The following THSD7A variants were observed in gnomAD, a reference collection of about 807,000 sequenced individuals.
The protein encoded by THSD7A is thrombospondin type 1 domain containing 7A, also known as thrombospondin type-1 domain-containing protein 7A.
THSD7A carries 96 observed loss-of-function variants against 231.3 expected under a neutral mutation model. The observed-to-expected ratio is 0.41, with a 90% confidence interval of 0.35 to 0.49. The LOEUF (loss-of-function observed/expected upper bound fraction) is 0.49, where lower values mean the gene tolerates loss of function less well. Ranked by LOEUF, THSD7A falls within the 20% of genes least tolerant of loss-of-function variation. The pLI is 0.05. For synonymous variants in THSD7A, 940 were observed against 743.3 expected (o/e 1.26, Z -4.30); for missense variants, 2,290 against 2,070.2 (o/e 1.11, Z -2.06).
At chr7:11,391,109 G>A (rs967712792) in intron 23 of THSD7A, among the ~76,000 whole-genome samples, 4 of 152,232 alleles carry the variant, frequency 2.6e-5, no homozygotes, top group African/African-American at 9.6e-5. Flanking sequence ...TTCCTTAGCA[G>A]AGATCAAATG....
intron 1 of THSD7A, among the ~76,000 whole-genome samples, chr7:11,740,901 G>C (rs890754767): frequency 6.6e-6 from 1 of 151,928 alleles, no homozygotes; most frequent in Non-Finnish European, 1.5e-5. Flanking sequence ...ATAAATATTT[G>C]CAGTATTTGC....
At chr7:11,490,858 T>C (rs1786861715) in intron 6 of THSD7A, among the ~76,000 whole-genome samples, 1 of 152,148 alleles carries the variant, frequency 6.6e-6, no homozygotes, top group Non-Finnish European at 1.5e-5. Flanking sequence ...TAATGGAAGC[T>C]AATAATAGTA....
At chr7:11,823,710 C>A (rs10243925) in intron 1 of THSD7A, among the ~76,000 whole-genome samples, 107,909 of 151,854 alleles carry the variant, frequency 0.71, 38,509 homozygotes, top group East Asian at 0.87. Flanking sequence ...TTATTTTTGC[C>A]GCTATTGTAA....
intron 16 of THSD7A, among the ~76,000 whole-genome samples, chr7:11,421,808 T>C (rs1401828480): frequency 1.3e-5 from 2 of 152,236 alleles, no homozygotes; most frequent in Non-Finnish European, 2.9e-5. Flanking sequence ...AATGTCTACA[T>C]CTGAATTCCA....
At chr7:11,569,419 G>GA (rs572924936) in intron 4 of THSD7A, among the ~76,000 whole-genome samples, 33 of 152,060 alleles carry the variant, frequency 2.2e-4, no homozygotes, top group Admixed American at 1.5e-3. Flanking sequence ...ACAGATACAT[G>GA]AAAAAAATGC....
intron 10 of THSD7A, 122 bp downstream of exon 10, chr7:11,461,889 A>C: frequency 7.8e-7 from 1 of 1,281,528 alleles, no homozygotes; most frequent in Non-Finnish European, 1.1e-6. Flanking sequence ...AGCCATAAAC[A>C]TCCCAACTCC....
At chr7:11,479,290 G>C (rs1373195729) in intron 7 of THSD7A, among the ~76,000 whole-genome samples, 4 of 152,154 alleles carry the variant, frequency 2.6e-5, no homozygotes, top group Non-Finnish European at 5.9e-5. Context: ...TTCTGATTAA[G>C]ATAAGTGAAA....
intron 2 of THSD7A, among the ~76,000 whole-genome samples, chr7:11,620,514 C>A (rs1196558864): frequency 6.6e-6 from 1 of 152,164 alleles, no homozygotes; most frequent in Non-Finnish European, 1.5e-5. Context: ...AAGACCAATG[C>A]AGAACAATGG....
At chr7:11,467,278 C>T (rs1785748148) in intron 9 of THSD7A, among the ~76,000 whole-genome samples, 1 of 152,080 alleles carries the variant, frequency 6.6e-6, no homozygotes, top group Admixed American at 6.6e-5. Flanking sequence ...TATATTTGCT[C>T]TGACATGATT....
chr7:11,429,575 C>A (rs1784419343), intron 13 of THSD7A, among the ~76,000 whole-genome samples: 1 of 152,186 alleles, frequency 6.6e-6, no homozygotes, highest in African/African-American at 2.4e-5. Context: ...ACTCAATACC[C>A]AAAAGGAACC....
chr7:11,808,039 A>C (rs1277640039), intron 1 of THSD7A, among the ~76,000 whole-genome samples: 1 of 151,972 alleles, frequency 6.6e-6, no homozygotes, highest in Non-Finnish European at 1.5e-5. Flanking sequence ...AGGGCCTCTC[A>C]CTGCACCACC....
chr7:11,662,515 C>A (rs1782967822), intron 1 of THSD7A, among the ~76,000 whole-genome samples: 1 of 151,262 alleles, frequency 6.6e-6, no homozygotes. Flanking sequence ...ATATCAGTAG[C>A]AATTTAGAAG....
chr7:11,799,332 G>T (rs1335783876), intron 1 of THSD7A, among the ~76,000 whole-genome samples: 1 of 152,122 alleles, frequency 6.6e-6, no homozygotes, highest in Non-Finnish European at 1.5e-5. Flanking sequence ...TTCCAGTGGA[G>T]AAACTTCTTT....
At chr7:11,640,194 C>G (rs1041876652) in intron 1 of THSD7A, among the ~76,000 whole-genome samples, 4 of 152,168 alleles carry the variant, frequency 2.6e-5, no homozygotes, top group Non-Finnish European at 5.9e-5. Flanking sequence ...CCCTTGAGGA[C>G]AGGCCCTTGT....
chr7:11,721,862 T>C (rs1003333255), intron 1 of THSD7A, among the ~76,000 whole-genome samples: 2 of 151,914 alleles, frequency 1.3e-5, no homozygotes, highest in African/African-American at 4.8e-5. Flanking sequence ...GCCCCACTTA[T>C]ATCTCTACAA....
Position 11,445,125 on chromosome 7 carries a change from A to G in THSD7A, c.3064+936T>C, listed in dbSNP as rs187866063. Among the ~76,000 whole-genome samples, 155 of 151,998 alleles carry G rather than the reference A, an allele frequency of 1.0e-3. 1 individual carries two copies. Among genetic ancestry groups the G allele is most frequent in the African/African-American group, 3.6e-3 (149 of 41,490 alleles). On this transcript the variant is annotated intron_variant, in intron 13 of 27. Transcript: ENST00000423059. ...CACCATTCCAATAGCAGGATATATT[A>G]ATATTTCAGCAAGGTTGGAGGATAA...
chr7:11,818,773 C>T (rs1784785075), intron 1 of THSD7A, among the ~76,000 whole-genome samples: 1 of 152,170 alleles, frequency 6.6e-6, no homozygotes, highest in Non-Finnish European at 1.5e-5. Flanking sequence ...TGCCTATTTC[C>T]TTCTACTTTG....
At chr7:11,441,435 T>G (rs1032853499) in intron 13 of THSD7A, among the ~76,000 whole-genome samples, 3 of 152,034 alleles carry the variant, frequency 2.0e-5, no homozygotes, top group African/African-American at 7.2e-5. Context: ...TAAGATTGTT[T>G]AAAATATGAA....
At chr7:11,582,927 GT>G (rs34447398) in intron 4 of THSD7A, among the ~76,000 whole-genome samples, 31,618 of 150,600 alleles carry the variant, frequency 0.21, 3,409 homozygotes, top group African/African-American at 0.24. Context: ...GTATATCTGT[GT>G]TTTTTTTTAC....
Sources: gnomAD v4.1 joint callset for allele counts (sites outside exome capture counted in the v4.1 genomes callset) on GRCh38, gnomAD v4.1.1 for gene constraint, MANE v1.5 for transcripts, NCBI Gene and HGNC (gene_info 2026-07-23, HGNC 2026-07-21) for gene names.